The following WDR7 variants were observed in gnomAD, a reference collection of about 807,000 sequenced individuals.
WDR7 encodes the protein WD repeat-containing protein 7.
In WDR7, 46 loss-of-function variants were observed where a neutral mutation model predicts 169.4. The ratio of observed to expected loss-of-function variants is 0.27; its 90% CI spans 0.21 to 0.35. The LOEUF is 0.35. Ranked by LOEUF, WDR7 falls within the 10% of genes least tolerant of loss-of-function variation. The pLI is 1.00. For synonymous variants in WDR7, 612 were observed against 666.8 expected, an observed-to-expected ratio of 0.92 and a Z score of 1.27; for missense variants, 1,534 against 1,859.3, an observed-to-expected ratio of 0.83 and a Z score of 3.22.
intron 1 of WDR7, among the ~76,000 whole-genome samples, chr18:56,670,376 A>G (rs918692020): frequency 5.3e-5 from 8 of 152,138 alleles, no homozygotes; most frequent in Admixed American, 4.6e-4. Context: ...CATTCTCTTT[A>G]AGCCAGGCAG....
chr18:56,861,251 G>A (rs763715872), intron 20 of WDR7, among the ~76,000 whole-genome samples: 10 of 152,138 alleles, frequency 6.6e-5, no homozygotes, highest in Admixed American at 1.3e-4. Context: ...TCATGCCGGC[G>A]TGTGAGCCGC....
chr18:56,986,877 A>C (rs1007398408), intron 26 of WDR7, among the ~76,000 whole-genome samples: 6 of 145,574 alleles, frequency 4.1e-5, no homozygotes, highest in Non-Finnish European at 9.0e-5. Context: ...AGATGCCATT[A>C]AACCCTGTAA....
Position 56,800,414 on chromosome 18 carries a change from T to G in WDR7, c.3191-15617T>G, listed in dbSNP as rs2044652790. On this transcript the variant is annotated intron_variant, in intron 19 of 27. Coordinates refer to ENST00000254442, the MANE Select transcript of WDR7 (RefSeq NM_015285.3). ...CTGAACTCAATATATTTCATGCATGTGCTTACTTAGTTTTCTCTGAAGCTT... is the reference window on the plus strand; with the variant it reads ...CTGAACTCAATATATTTCATGCATGGGCTTACTTAGTTTTCTCTGAAGCTT... Among the ~76,000 whole-genome samples, 4 of 152,238 alleles carry G rather than the reference T, an allele frequency of 2.6e-5. No homozygotes were observed. In the South Asian group the frequency reaches 8.3e-4, roughly 32 times the overall value.
At chr18:56,896,399 TAAAC>T (rs920002281) in intron 21 of WDR7, among the ~76,000 whole-genome samples, 42 of 151,918 alleles carry the variant, frequency 2.8e-4, no homozygotes, top group African/African-American at 1.0e-3. Context: ...CTAAAGAAGA[TAAAC>T]AAGGTGGAGG....
At chr18:56,989,818 A>G (rs1216679736) in intron 26 of WDR7, among the ~76,000 whole-genome samples, 1 of 152,124 alleles carries the variant, frequency 6.6e-6, no homozygotes. Context: ...CCAGAATATT[A>G]TTTAAACCTT....
At chr18:56,658,484 G>GT (rs1241180299) in intron 1 of WDR7, among the ~76,000 whole-genome samples, 1 of 152,116 alleles carries the variant, frequency 6.6e-6, no homozygotes, top group African/African-American at 2.4e-5. Flanking sequence ...ACTGAAGATA[G>GT]TTTTTTGCAC....
At chr18:56,862,900 A>G (rs1233003913) in intron 20 of WDR7, among the ~76,000 whole-genome samples, 2 of 151,852 alleles carry the variant, frequency 1.3e-5, no homozygotes. Context: ...ATAAGTTGCA[A>G]CTTAGTTTCA....
At position 56,938,563 on chromosome 18, in the gene WDR7, A is replaced by ACCCAAT. The variant is rs776279222; in HGVS notation, c.3864_3869dup (p.Ser1290_Gln1291dup). On this transcript the variant is annotated inframe_insertion, in exon 24 of 28. Transcript: ENST00000254442. ...CAGACATACGGCTCTTGCAGCAAAT[A>ACCCAAT]CCCAATCACAGCAGAATATGCACAC... 6.2e-7 allele frequency: 1 copy of ACCCAAT among 1,613,944 alleles called. No homozygotes were observed. Among genetic ancestry groups the ACCCAAT allele is most frequent in the Non-Finnish European group, 8.5e-7 (1 of 1,179,900 alleles).
intron 26 of WDR7, among the ~76,000 whole-genome samples, chr18:56,966,489 CT>C (rs1275266816): frequency 6.6e-6 from 1 of 152,000 alleles, no homozygotes; most frequent in Non-Finnish European, 1.5e-5. Flanking sequence ...TTAATATTTT[CT>C]TTTCTCTAGC....
At chr18:56,717,835 G>C (rs976903922) in intron 12 of WDR7, 129 bp from the exon 13 acceptor site, 3 of 756,124 alleles carry the variant, frequency 4.0e-6, no homozygotes, top group African/African-American at 3.6e-5. Flanking sequence ...TTTTCAACAT[G>C]ACCTAATATT....
At chr18:57,011,529 G>A (rs369547202) in intron 26 of WDR7, among the ~76,000 whole-genome samples, 10 of 152,128 alleles carry the variant, frequency 6.6e-5, no homozygotes, top group South Asian at 4.1e-4. Flanking sequence ...TTTTCAATTA[G>A]ATGGTGATAG....
At chr18:56,943,982 GTTTTTTTT>G (rs397858369) in intron 25 of WDR7, among the ~76,000 whole-genome samples, 2 of 78,758 alleles carry the variant, frequency 2.5e-5, no homozygotes, top group Non-Finnish European at 4.3e-5. Context: ...TGTTTTGTGG[GTTTTTTTT>G]TTTTTTTTTT....
intron 14 of WDR7, among the ~76,000 whole-genome samples, chr18:56,736,337 A>G (rs1215672258): frequency 6.6e-6 from 1 of 152,128 alleles, no homozygotes; most frequent in Non-Finnish European, 1.5e-5. Context: ...CATTTTGACA[A>G]CTGGTAATGC....
chr18:56,855,983 C>G (rs1475772080), intron 20 of WDR7, among the ~76,000 whole-genome samples: 1 of 152,062 alleles, frequency 6.6e-6, no homozygotes, highest in African/African-American at 2.4e-5. Flanking sequence ...AAACTGCATA[C>G]CCTACATGCA....
chr18:56,726,228 T>C (rs1233137843), intron 13 of WDR7, among the ~76,000 whole-genome samples: 3 of 152,200 alleles, frequency 2.0e-5, no homozygotes, highest in Non-Finnish European at 4.4e-5. Flanking sequence ...ATTGAATCTA[T>C]AAATTACCTT....
intron 1 of WDR7, among the ~76,000 whole-genome samples, chr18:56,669,053 TAGAGAGATAACTTTGTCAAGATCACATA>T (rs943254883): frequency 9.9e-5 from 15 of 152,254 alleles, no homozygotes; most frequent in African/African-American, 3.4e-4. Flanking sequence ...AACTGAGACC[TAGAGAGATAACTTTGTCAAGATCACATA>T]GAAGGGCCAG....
chr18:56,975,462 G>A (rs544754961), intron 26 of WDR7, among the ~76,000 whole-genome samples: 1 of 152,210 alleles, frequency 6.6e-6, no homozygotes, highest in African/African-American at 2.4e-5. Flanking sequence ...AGGTGGACAA[G>A]CCTAATGGTT....
At chr18:56,678,041 T>C (rs1414463489) in intron 2 of WDR7, among the ~76,000 whole-genome samples, 1 of 152,190 alleles carries the variant, frequency 6.6e-6, no homozygotes, top group African/African-American at 2.4e-5. Context: ...TCATTTCCGC[T>C]ATTAAAAGAT....
At chr18:56,872,693 G>C (rs569283840) in intron 20 of WDR7, 1 of 152,170 alleles carries the variant, frequency 6.6e-6, no homozygotes, top group East Asian at 1.9e-4. Context: ...TCCACACAGG[G>C]CTAGTTGAAG....
Sources: gnomAD v4.1 joint callset for allele counts (sites outside exome capture counted in the v4.1 genomes callset) on GRCh38, gnomAD v4.1.1 for gene constraint, MANE v1.5 for transcripts, NCBI Gene and HGNC (gene_info 2026-07-23, HGNC 2026-07-21) for gene names.